The following SORCS2 variants were observed in gnomAD, a reference collection of about 807,000 sequenced individuals.
The protein encoded by SORCS2 is VPS10 domain-containing receptor SorCS2.
SORCS2 carries 100 observed loss-of-function variants against 141.6 expected under a neutral mutation model. The ratio of observed to expected loss-of-function variants is 0.71; its 90% CI spans 0.60 to 0.83. SORCS2 has a LOEUF of 0.83. SORCS2 is among the 40% of genes least tolerant of loss of function. The pLI, the probability that SORCS2 is intolerant of heterozygous loss-of-function variation, is 0.00. For missense variants in SORCS2, 1,646 were observed against 1,560.2 expected (o/e 1.05, Z -0.93); for synonymous variants, 789 against 676.9 (o/e 1.17, Z -2.57).
At chr4:7,399,011 C>T (rs529112288) in intron 2 of SORCS2, among the ~76,000 whole-genome samples, 64 of 152,322 alleles carry the variant, frequency 4.2e-4, no homozygotes, top group Middle Eastern at 3.4e-3. Flanking sequence ...GCTCATTTGA[C>T]AGGAGGAGCT....
At chr4:7,265,769 G>C (rs1225592552) in intron 1 of SORCS2, among the ~76,000 whole-genome samples, 1 of 152,168 alleles carries the variant, frequency 6.6e-6, no homozygotes, top group South Asian at 2.1e-4. Flanking sequence ...TTTTCCAAAT[G>C]AGGCCACGTT....
intron 3 of SORCS2, among the ~76,000 whole-genome samples, chr4:7,566,765 G>T (rs1715048811): frequency 6.6e-6 from 1 of 152,256 alleles, no homozygotes; most frequent in Non-Finnish European, 1.5e-5. Flanking sequence ...TACCTTAGTG[G>T]ATGCTGGGAA....
At chr4:7,418,496 C>T (rs565955168) in intron 2 of SORCS2, among the ~76,000 whole-genome samples, 3 of 152,256 alleles carry the variant, frequency 2.0e-5, no homozygotes, top group Admixed American at 6.5e-5. Context: ...GGACATTAAG[C>T]GCGAGGTGGA....
At chr4:7,200,747 G>C (rs1279473318) in intron 1 of SORCS2, among the ~76,000 whole-genome samples, 1 of 152,114 alleles carries the variant, frequency 6.6e-6, no homozygotes. Context: ...GAACCTCTCT[G>C]AGCCTTTTTC....
chr4:7,507,944 A>G (rs1034054862), intron 2 of SORCS2, among the ~76,000 whole-genome samples: 4 of 152,226 alleles, frequency 2.6e-5, no homozygotes, highest in Non-Finnish European at 4.4e-5. Context: ...ATAGCTGCCA[A>G]AAGAAAATGT....
intron 1 of SORCS2, among the ~76,000 whole-genome samples, chr4:7,221,283 T>C (rs74578596): frequency 0.041 from 6,265 of 152,268 alleles, 328 homozygotes; most frequent in East Asian, 0.26. Context: ...AAAGGTGAGA[T>C]GGGAGCTCGC....
At chr4:7,336,783 A>G (rs2108979083) in intron 1 of SORCS2, among the ~76,000 whole-genome samples, 1 of 152,290 alleles carries the variant, frequency 6.6e-6, no homozygotes, top group Admixed American at 6.5e-5. Context: ...CTTGGGTGGC[A>G]GGCTCCAGAG....
chr4:7,643,929 C>G (rs903354102), intron 4 of SORCS2, among the ~76,000 whole-genome samples: 5 of 152,186 alleles, frequency 3.3e-5, no homozygotes, highest in African/African-American at 1.2e-4. Context: ...TTGGGCATCT[C>G]TTGAGTAACA....
chr4:7,477,382 C>G (rs1304310317), intron 2 of SORCS2, among the ~76,000 whole-genome samples: 1 of 135,022 alleles, frequency 7.4e-6, no homozygotes, highest in African/African-American at 2.7e-5. Context: ...CTGACCGTGG[C>G]TGATTGGGGC....
At chr4:7,269,920 C>T (rs1256488322) in intron 1 of SORCS2, among the ~76,000 whole-genome samples, 1 of 152,214 alleles carries the variant, frequency 6.6e-6, no homozygotes, top group Non-Finnish European at 1.5e-5. Flanking sequence ...CACTTTGTCA[C>T]CCAGGCTGGA....
chr4:7,284,749 C>T (rs1054801978), intron 1 of SORCS2, among the ~76,000 whole-genome samples: 6 of 152,162 alleles, frequency 3.9e-5, no homozygotes, highest in South Asian at 2.1e-4. Context: ...TTGCTACAAC[C>T]GGGTGGCTTA....
At chr4:7,440,521 G>A (rs780035707) in intron 2 of SORCS2, among the ~76,000 whole-genome samples, 2 of 152,250 alleles carry the variant, frequency 1.3e-5, no homozygotes, top group Non-Finnish European at 2.9e-5. Flanking sequence ...AGTGCCACAC[G>A]CTACCGTTCC....
intron 1 of SORCS2, among the ~76,000 whole-genome samples, chr4:7,388,002 A>G (rs1394997471): frequency 6.6e-6 from 1 of 151,190 alleles, no homozygotes; most frequent in East Asian, 1.9e-4. Context: ...ATGCACACAC[A>G]TGCACATGCA....
chr4:7,235,313 C>G (rs1712190367), intron 1 of SORCS2, among the ~76,000 whole-genome samples: 1 of 152,236 alleles, frequency 6.6e-6, no homozygotes, highest in African/African-American at 2.4e-5. Flanking sequence ...ATCGCCAGGA[C>G]CCTCCTTCTT....
chr4:7,350,149 A>G (rs1238088652), intron 1 of SORCS2, among the ~76,000 whole-genome samples: 1 of 152,204 alleles, frequency 6.6e-6, no homozygotes, highest in African/African-American at 2.4e-5. Flanking sequence ...TTGTTTTAAA[A>G]AGCACAACCC....
chr4:7,309,864 G>A (rs529678145), intron 1 of SORCS2, among the ~76,000 whole-genome samples: 3 of 152,254 alleles, frequency 2.0e-5, no homozygotes, highest in East Asian at 3.9e-4. Context: ...GGCCTTGGTA[G>A]GTGGCAGCTG....
At chr4:7,391,934 G>A (rs887173509) in intron 1 of SORCS2, among the ~76,000 whole-genome samples, 1 of 152,212 alleles carries the variant, frequency 6.6e-6, no homozygotes, top group African/African-American at 2.4e-5. Flanking sequence ...TAGCAGGGCT[G>A]GAGGAGCGTT....
chr4:7,434,423 G>C (rs1369116139), intron 2 of SORCS2: 5 of 1,608,866 alleles, frequency 3.1e-6, no homozygotes, highest in Non-Finnish European at 4.2e-6. Context: ...TCTTTGGAGA[G>C]TGGCCTCAGG....
At chr4:7,334,397 G>C (rs916470295) in intron 1 of SORCS2, among the ~76,000 whole-genome samples, 2 of 149,404 alleles carry the variant, frequency 1.3e-5, no homozygotes, top group Non-Finnish European at 3.0e-5. Flanking sequence ...TCCTTCCCCA[G>C]ATTCCACAGC....
Sources: allele counts gnomAD v4.1 joint callset (sites outside exome capture counted in the v4.1 genomes callset), GRCh38; gene constraint gnomAD v4.1.1; transcripts MANE v1.5; gene names NCBI Gene and HGNC (gene_info 2026-07-23, HGNC 2026-07-21).